The following RNF220 variants were observed in gnomAD, a reference collection of about 807,000 sequenced individuals.
RNF220 encodes E3 ubiquitin-protein ligase RNF220.
In RNF220, 7 loss-of-function variants were observed where a neutral mutation model predicts 67.1. The observed-to-expected ratio is 0.10, with a 90% CI of 0.06 to 0.20. The LOEUF (loss-of-function observed/expected upper bound fraction) is 0.20. Ranked by LOEUF, RNF220 falls within the 10% of genes least tolerant of loss-of-function variation. RNF220 has a pLI of 1.00. For synonymous variants in RNF220, 270 were observed against 283.2 expected (o/e 0.95, Z 0.47); for missense variants, 565 against 740.3 (o/e 0.76, Z 2.75).
intron 2 of RNF220, among the ~76,000 whole-genome samples, chr1:44,584,930 C>T (rs556803493): frequency 1.2e-4 from 19 of 152,322 alleles, no homozygotes; most frequent in African/African-American, 4.3e-4. Context: ...AACTCCTGAC[C>T]TCAAGTGATC....
chr1:44,445,129 A>T (rs970520124), intron 2 of RNF220, among the ~76,000 whole-genome samples: 13 of 152,020 alleles, frequency 8.6e-5, no homozygotes, highest in Admixed American at 8.5e-4. Flanking sequence ...GCACCTTTTC[A>T]TATGTTTATT....
At chr1:44,551,800 T>C (rs1381388246) in intron 2 of RNF220, among the ~76,000 whole-genome samples, 2 of 152,188 alleles carry the variant, frequency 1.3e-5, no homozygotes, top group African/African-American at 4.8e-5. Context: ...ACCACGCACT[T>C]CTTCACTCAG....
chr1:44,524,158 A>T (rs1660169207), intron 2 of RNF220, among the ~76,000 whole-genome samples: 1 of 152,140 alleles, frequency 6.6e-6, no homozygotes, highest in Admixed American at 6.5e-5. Context: ...GGCTCCTCTC[A>T]GCAAGGGCTC....
rs1487639073 is a variant in RNF220, at chr1:44,545,258, C to T, written c.626-68907C>T. Among the ~76,000 whole-genome samples, 8 of 152,138 alleles carry T rather than the reference C, an allele frequency of 5.3e-5. No homozygotes were observed. In the South Asian group the frequency reaches 8.3e-4, roughly 16 times the overall value. ...GAGCTGACGGGACATCTGGTACCTT[C>T]GGTTGGAGGGAGGGCAGTTTCTGAG... On this transcript the variant is annotated intron_variant, in intron 2 of 14. Coordinates refer to ENST00000361799, the MANE Select transcript of RNF220 (RefSeq NM_018150.4).
At chr1:44,483,683 G>T (rs142643854) in intron 2 of RNF220, among the ~76,000 whole-genome samples, 137 of 152,320 alleles carry the variant, frequency 9.0e-4, no homozygotes, top group African/African-American at 3.1e-3. Flanking sequence ...AGAACATAGC[G>T]GTGGCAGGCT....
chr1:44,620,131 T>A (rs543798866), intron 3 of RNF220, among the ~76,000 whole-genome samples: 1 of 152,208 alleles, frequency 6.6e-6, no homozygotes, highest in African/African-American at 2.4e-5. Context: ...AAGCCCTGAG[T>A]GTCTTTAGGG....
chr1:44,636,315 T>C (rs752011687), intron 8 of RNF220, 153 bp downstream of exon 8: 39 of 947,756 alleles, frequency 4.1e-5, no homozygotes, highest in Non-Finnish European at 6.1e-5. Flanking sequence ...TTTGTGACCG[T>C]GCTGCCTGCC....
At chr1:44,457,022 C>T (rs1309765939) in intron 2 of RNF220, among the ~76,000 whole-genome samples, 2 of 152,098 alleles carry the variant, frequency 1.3e-5, no homozygotes, top group Non-Finnish European at 2.9e-5. Context: ...CCAGTCTTGC[C>T]CAGTTACACC....
intron 2 of RNF220, among the ~76,000 whole-genome samples, chr1:44,484,919 G>A (rs1656147928): frequency 6.6e-6 from 1 of 152,138 alleles, no homozygotes; most frequent in South Asian, 2.1e-4. Context: ...CAAGGCAGGT[G>A]GATCACAAGG....
At chr1:44,445,471 C>G (rs1651977869) in intron 2 of RNF220, among the ~76,000 whole-genome samples, 1 of 152,216 alleles carries the variant, frequency 6.6e-6, no homozygotes, top group Non-Finnish European at 1.5e-5. Context: ...ATCATCTACT[C>G]TCTAATTTCT....
At chr1:44,444,257 A>G (rs2147907793) in intron 2 of RNF220, among the ~76,000 whole-genome samples, 1 of 152,306 alleles carries the variant, frequency 6.6e-6, no homozygotes, top group South Asian at 2.1e-4. Context: ...ACATGTAAAC[A>G]TCCCCAAACA....
In RNF220 at chr1:44,649,732, T is replaced by G; in HGVS notation, c.1517T>G (p.Leu506Arg). 1 of 1,614,014 alleles carries G rather than the reference T, an allele frequency of 6.2e-7. No individual in the cohort carries two copies. The highest frequency in any genetic ancestry group is 8.5e-7 in the Non-Finnish European group (1 of 1,179,938). Residue 506 changes from leucine to arginine, a missense_variant, in exon 13 of 15, where the codon CTA (leucine) becomes CGA (arginine). Coordinates refer to ENST00000361799, the MANE Select transcript of RNF220 (RefSeq NM_018150.4). This position sits in a 1 kb window ranked among gnomAD's most constrained non-coding sequence, Gnocchi z 5.9. ...CGGGTCAGAGAACTTGAACGGCAGC[T>G]ATCTCGTGGGGACCGTTACAAATGC... Reference protein sequence around the residue: ...KARVRELERQLSRGDRYKCLI... With the variant: ...KARVRELERQRSRGDRYKCLI...
chr1:44,494,083 G>A (rs755047329), intron 2 of RNF220, among the ~76,000 whole-genome samples: 4 of 151,860 alleles, frequency 2.6e-5, no homozygotes, highest in African/African-American at 9.7e-5. Flanking sequence ...GCAGGTGCCT[G>A]CAATCCCAGC....
chr1:44,539,220 C>CTAAA (rs529760692), intron 2 of RNF220, among the ~76,000 whole-genome samples: 479 of 152,036 alleles, frequency 3.2e-3, no homozygotes, highest in South Asian at 0.011. Flanking sequence ...GACTCCATCT[C>CTAAA]TAAATAAATA....
chr1:44,453,365 CA>C (rs1652874005), intron 2 of RNF220, among the ~76,000 whole-genome samples: 1 of 152,030 alleles, frequency 6.6e-6, no homozygotes, highest in South Asian at 2.1e-4. Context: ...TGAAAGCTGC[CA>C]TATTTATCTT....
intron 2 of RNF220, among the ~76,000 whole-genome samples, chr1:44,515,048 A>G (rs1057270982): frequency 1.3e-5 from 2 of 152,194 alleles, no homozygotes; most frequent in African/African-American, 4.8e-5. Flanking sequence ...AGTGGCTATG[A>G]AGGCTGGAAA....
intron 2 of RNF220, among the ~76,000 whole-genome samples, chr1:44,502,398 G>A (rs1348411655): frequency 6.6e-6 from 1 of 152,104 alleles, no homozygotes; most frequent in Non-Finnish European, 1.5e-5. Flanking sequence ...ATATTTGAGA[G>A]GAGAAAGATC....
At chr1:44,505,137 G>A (rs530542382) in intron 2 of RNF220, among the ~76,000 whole-genome samples, 11 of 152,126 alleles carry the variant, frequency 7.2e-5, no homozygotes, top group East Asian at 1.9e-4. Flanking sequence ...TTTGTCCCTC[G>A]TGCAGCATCA....
rs996194525 is a variant in RNF220, at chr1:44,417,859, G to A, written c.625+5137G>A. On this transcript the variant is annotated intron_variant, in intron 2 of 14. Transcript: ENST00000361799. The surrounding 1 kb of genome is among the most constrained non-coding windows in gnomAD (Gnocchi z 4.0). ...GACCCCCAGCCTCCGCCACCGAGGC[G>A]GCTTGCAAGTGGTTTCAGAAATGTT... Among the ~76,000 whole-genome samples, 6 of 152,146 alleles carry A rather than the reference G, an allele frequency of 3.9e-5. No individual in the cohort carries two copies. The highest frequency in any genetic ancestry group is 1.2e-4 in the African/African-American group (5 of 41,440).
Sources: allele counts gnomAD v4.1 joint callset (sites outside exome capture counted in the v4.1 genomes callset), GRCh38; gene constraint gnomAD v4.1.1; non-coding constraint Gnocchi (gnomAD v3.1); transcripts MANE v1.5; gene names NCBI Gene and HGNC (gene_info 2026-07-23, HGNC 2026-07-21).